The following CALN1 variants were observed in gnomAD, a reference collection of about 807,000 sequenced individuals.
CALN1 encodes calcium-binding protein 8.
Under a neutral mutation model 30.6 loss-of-function variants are expected in CALN1, and 17 were observed. The ratio of observed to expected loss-of-function variants is 0.56; its 90% CI spans 0.38 to 0.83. The LOEUF is 0.83. CALN1 is among the 40% of genes least tolerant of loss of function. The pLI is 0.00. For missense variants in CALN1, 291 were observed against 354.9 expected (o/e 0.82, Z 1.45); for synonymous variants, 156 against 131.4 (o/e 1.19, Z -1.28).
rs989949218 is a variant in CALN1 at position 72,393,091 on chromosome 7, G to A, written c.119+10160C>T. 3.5e-4 allele frequency among the ~76,000 whole-genome samples: 53 copies of A among 151,906 alleles called. 1 individual carries two copies. On this transcript the variant is annotated intron_variant, in intron 2 of 6. Transcript: ENST00000395275. ...TTTTTTCCATGAAAGGGTTTCTAAT[G>A]AAGGACAATTACAGGGTCATAGCCC...
At chr7:72,236,816 T>C (rs1181726115) in intron 3 of CALN1, among the ~76,000 whole-genome samples, 1 of 152,120 alleles carries the variant, frequency 6.6e-6, no homozygotes. Context: ...TCAAGACATG[T>C]TGGTTATTAT....
At chr7:71,939,630 C>T (rs1406523159) in intron 5 of CALN1, among the ~76,000 whole-genome samples, 1 of 151,754 alleles carries the variant, frequency 6.6e-6, no homozygotes, top group Admixed American at 6.6e-5. Flanking sequence ...ACCCCACATT[C>T]CCTAGACAGG....
rs181804991 is a variant in CALN1, at chr7:71,999,457, A to G, written c.501+24200T>C. The stretch of plus-strand genomic sequence containing the variant: ...GTATGTATACAGAGAACTACATAGC[A>G]GAATCAACCAGCAGGATCTAGCTCA... On this transcript the variant is annotated intron_variant, in intron 5 of 6. Coordinates refer to ENST00000395275, the MANE Select transcript of CALN1 (RefSeq NM_031468.4). Among the ~76,000 whole-genome samples, 18 of 152,312 alleles carry G rather than the reference A, an allele frequency of 1.2e-4. 1 individual carries two copies. The East Asian group carries it at 3.3e-3, about 28-fold the overall frequency.
intron 5 of CALN1, chr7:71,913,918 TGA>T (rs1474062963): frequency 2.6e-5 from 4 of 152,006 alleles, no homozygotes; most frequent in Non-Finnish European, 2.9e-5. Context: ...GTACAAGGAG[TGA>T]GTTAGGAATC....
chr7:72,417,380 C>A (rs1807456731), intron 1 of CALN1, among the ~76,000 whole-genome samples: 1 of 152,146 alleles, frequency 6.6e-6, no homozygotes. Context: ...GAACCACAAC[C>A]AGTTTGTGTG....
chr7:72,165,452 C>T (rs779735138), intron 3 of CALN1, among the ~76,000 whole-genome samples: 1 of 151,908 alleles, frequency 6.6e-6, no homozygotes, highest in African/African-American at 2.4e-5. Flanking sequence ...TCCCAGCACC[C>T]CAGCTACTCA....
chr7:72,043,945 G>A (rs917364355), intron 4 of CALN1, among the ~76,000 whole-genome samples: 1 of 152,126 alleles, frequency 6.6e-6, no homozygotes, highest in Admixed American at 6.5e-5. Flanking sequence ...CAAAGGAGAG[G>A]GCTTGTGTAG....
intron 2 of CALN1, among the ~76,000 whole-genome samples, chr7:72,388,886 C>A (rs1035262405): frequency 2.6e-5 from 4 of 152,186 alleles, no homozygotes; most frequent in African/African-American, 9.7e-5. Context: ...GCAATGCTTT[C>A]AGGATTCCTG....
At chr7:72,296,485 C>G (rs990221573) in intron 2 of CALN1, among the ~76,000 whole-genome samples, 11 of 151,718 alleles carry the variant, frequency 7.3e-5, no homozygotes, top group Non-Finnish European at 1.3e-4. Context: ...GTGAATCCAT[C>G]TGGTCCTGGA....
chr7:72,358,605 T>C (rs1803379989), intron 2 of CALN1, among the ~76,000 whole-genome samples: 1 of 152,144 alleles, frequency 6.6e-6, no homozygotes, highest in African/African-American at 2.4e-5. Context: ...AAGCGCAATT[T>C]GTGAATTCCC....
chr7:72,128,921 C>T (rs533818482), intron 3 of CALN1, among the ~76,000 whole-genome samples: 1 of 152,116 alleles, frequency 6.6e-6, no homozygotes, highest in East Asian at 1.9e-4. Flanking sequence ...TCAGGATAAG[C>T]TAAGTGAAAA....
At chr7:72,388,395 G>A (rs770405371) in intron 2 of CALN1, among the ~76,000 whole-genome samples, 7 of 152,122 alleles carry the variant, frequency 4.6e-5, no homozygotes, top group South Asian at 2.1e-4. Flanking sequence ...AAAAGGTACC[G>A]TTATATCCTA....
intron 3 of CALN1, among the ~76,000 whole-genome samples, chr7:72,170,912 T>C (rs1284768890): frequency 6.6e-6 from 1 of 152,148 alleles, no homozygotes; most frequent in African/African-American, 2.4e-5. Context: ...ATTCCAACAA[T>C]TTGGGAGGCC....
chr7:72,500,931 T>TG, the CALN1 span, among the ~76,000 whole-genome samples: 1 of 152,174 alleles, frequency 6.6e-6, no homozygotes, highest in Non-Finnish European at 1.5e-5. Context: ...GAACAGTACC[T>TG]AAATTGTTGA....
intron 3 of CALN1, among the ~76,000 whole-genome samples, chr7:72,234,976 CTT>C (rs1043060804): frequency 5.9e-5 from 9 of 152,218 alleles, no homozygotes; most frequent in African/African-American, 2.2e-4. Flanking sequence ...CAGATAAAAA[CTT>C]ATAAAACAGA....
At chr7:72,014,781 C>T (rs963697530) in intron 5 of CALN1, among the ~76,000 whole-genome samples, 1 of 152,138 alleles carries the variant, frequency 6.6e-6, no homozygotes, top group Non-Finnish European at 1.5e-5. Context: ...CCCACCTCAG[C>T]CTCCCTAGTA....
chr7:71,842,717 G>A (rs1349256870), intron 5 of CALN1, among the ~76,000 whole-genome samples: 7 of 152,102 alleles, frequency 4.6e-5, no homozygotes, highest in Non-Finnish European at 7.4e-5. Flanking sequence ...TAAATAATAA[G>A]GCCTCTTCAA....
the CALN1 span, among the ~76,000 whole-genome samples, chr7:72,463,212 C>A: frequency 6.6e-6 from 1 of 152,104 alleles, no homozygotes; most frequent in Non-Finnish European, 1.5e-5. Context: ...ACCTCCGCCT[C>A]CCGGGTTCAA....
chr7:72,436,085 G>A (rs1420951049), intron 1 of CALN1, among the ~76,000 whole-genome samples: 3 of 152,206 alleles, frequency 2.0e-5, no homozygotes, highest in Admixed American at 1.3e-4. Flanking sequence ...GCAGAAAGAC[G>A]TAAAAGCACA....
Sources: gnomAD v4.1 joint callset for allele counts (sites outside exome capture counted in the v4.1 genomes callset) on GRCh38, gnomAD v4.1.1 for gene constraint, MANE v1.5 for transcripts, NCBI Gene and HGNC (gene_info 2026-07-23, HGNC 2026-07-21) for gene names.